POM121C: variants seen among roughly 807,000 people sequenced by gnomAD.
The protein encoded by POM121C is POM121 transmembrane nucleoporin C.
POM121C carries 20 observed loss-of-function variants against 66.4 expected under a neutral mutation model. The ratio of observed to expected loss-of-function variants is 0.30; its 90% CI spans 0.21 to 0.44. POM121C has a LOEUF of 0.44. Among genes scored for constraint, POM121C ranks in the 20% least tolerant of loss-of-function variants. POM121C has a pLI of 1.00. For missense variants in POM121C, 580 were observed against 1,225.7 expected, an observed-to-expected ratio of 0.47 and a Z score of 7.87; for synonymous variants, 286 against 528.0, an observed-to-expected ratio of 0.54 and a Z score of 6.28.
intron 3 of POM121C, among the ~76,000 whole-genome samples, chr7:75,461,746 C>T (rs1247731719): frequency 1.3e-5 from 2 of 151,974 alleles, no homozygotes; most frequent in Non-Finnish European, 2.9e-5. Context: ...TAACTGAAAT[C>T]ATACAAAATA....
At chr7:75,470,312 T>TA (rs1453214138) in intron 3 of POM121C, among the ~76,000 whole-genome samples, 1 of 108,426 alleles carries the variant, frequency 9.2e-6, no homozygotes. Flanking sequence ...GGCAAATAGT[T>TA]AATGATCAGT....
At chr7:75,434,325 G>T (rs1170297674) in intron 7 of POM121C, among the ~76,000 whole-genome samples, 1 of 151,942 alleles carries the variant, frequency 6.6e-6, no homozygotes, top group Non-Finnish European at 1.5e-5. Flanking sequence ...GTCCAGGCTG[G>T]AGGGCAGTGG....
At chr7:75,461,314 C>T (rs1351242498) in intron 3 of POM121C, among the ~76,000 whole-genome samples, 2 of 152,096 alleles carry the variant, frequency 1.3e-5, no homozygotes, top group Non-Finnish European at 2.9e-5. Context: ...CATCATCGAC[C>T]AATGGAACCT....
Position 75,424,507 on chromosome 7 carries a change from A to G in POM121C, c.871+19T>C. 1.2e-6 allele frequency: 2 copies of G among 1,612,350 alleles called. No individual in the cohort carries two copies. Among genetic ancestry groups the G allele is most frequent in the East Asian group, 2.2e-5 (1 of 44,880 alleles). On this transcript the variant is annotated intron_variant, in intron 11 of 14. Coordinates refer to ENST00000615331, the MANE Select transcript of POM121C (RefSeq NM_001099415.3). The stretch of plus-strand genomic sequence containing the variant: ...GACACCTGAAACCTCTCGAGAGTGC[A>G]ACGATCTGTGCTCCTTACCACTCTT...
At chr7:75,429,579 C>T (rs587691120) in intron 7 of POM121C, among the ~76,000 whole-genome samples, 15 of 152,062 alleles carry the variant, frequency 9.9e-5, no homozygotes, top group South Asian at 6.2e-4. Context: ...TGCAGTGAGC[C>T]GAGATTGTGC....
intron 3 of POM121C, among the ~76,000 whole-genome samples, chr7:75,471,599 C>A (rs1465306562): frequency 6.6e-6 from 1 of 152,016 alleles, no homozygotes; most frequent in South Asian, 2.1e-4. Flanking sequence ...CCGAGTTGAG[C>A]AGAAACCAGG....
rs3973301 is a variant in POM121C, at chr7:75,484,333, G to A, written c.-458+1531C>T. 157 of 845,970 alleles carry A rather than the reference G, an allele frequency of 1.9e-4. No individual in the cohort carries two copies. In the African/African-American group the frequency reaches 2.4e-3, roughly 13 times the overall value. 52.4% of individuals were successfully genotyped at this position (845,970 alleles called of 1,614,324 possible). A position where few individuals can be genotyped will look rare whatever the true frequency, so the allele number is the denominator to read the frequency against. The stretch of plus-strand genomic sequence containing the variant: ...GGCAGAAATCACCTGCATAAGAACC[G>A]CAAAAGAAAGCTCAATAGGCTAACA... On this transcript the variant is annotated intron_variant, in intron 1 of 14. Transcript: ENST00000615331.
intron 3 of POM121C, among the ~76,000 whole-genome samples, chr7:75,456,162 C>T (rs1386951422): frequency 5.9e-5 from 9 of 152,146 alleles, no homozygotes; most frequent in African/African-American, 1.9e-4. Flanking sequence ...TCCCTTGAAC[C>T]CAGGAAGTCA....
In POM121C at chr7:75,422,031, C is replaced by T; in HGVS notation, c.2221G>A (p.Ala741Thr). 2 of 1,607,100 alleles carry T rather than the reference C, an allele frequency of 1.2e-6. No individual in the cohort carries two copies. The highest frequency in any genetic ancestry group is 1.7e-6 in the Non-Finnish European group (2 of 1,176,474). ...TFGNSAAPAP[A>T]TAPTPAPAST... is the part of the protein sequence containing the mutation. ...GCAGGTGCAGGTGTGGGTGCAGTAGCCGGGGCCGGGGCTGCAGAGTTTCCA... is the reference window on the plus strand; with the variant it reads ...GCAGGTGCAGGTGTGGGTGCAGTAGTCGGGGCCGGGGCTGCAGAGTTTCCA... Residue 741 changes from alanine to threonine, a missense_variant, in exon 13 of 15, where the codon GCT becomes ACT. Ala to Thr is a moderately conservative substitution (Grantham distance 58). Coordinates refer to ENST00000615331, the MANE Select transcript of POM121C (RefSeq NM_001099415.3).
intron 6 of POM121C, among the ~76,000 whole-genome samples, chr7:75,438,894 G>A (rs1482367558): frequency 3.3e-5 from 5 of 152,070 alleles, no homozygotes; most frequent in African/African-American, 1.2e-4. Flanking sequence ...GTATGTGCTT[G>A]GTTATTAAAT....
chr7:75,431,031 G>A (rs1316003458), intron 7 of POM121C, among the ~76,000 whole-genome samples: 1 of 122,724 alleles, frequency 8.1e-6, no homozygotes, highest in South Asian at 2.6e-4. Context: ...AGCCCAGATC[G>A]CATCACTGCA....
intron 3 of POM121C, among the ~76,000 whole-genome samples, chr7:75,452,999 C>T (rs1160134740): frequency 6.6e-6 from 1 of 152,192 alleles, no homozygotes; most frequent in Non-Finnish European, 1.5e-5. Flanking sequence ...AGAGACAACT[C>T]TGGAAGCAGA....
At chr7:75,439,103 T>C (rs781854829) in intron 6 of POM121C, 41 bp downstream of exon 6, 11 of 1,609,142 alleles carry the variant, frequency 6.8e-6, no homozygotes, top group Non-Finnish European at 6.8e-6. Flanking sequence ...CAGGCCTTTT[T>C]CCAAACAGTT....
At chr7:75,460,841 C>T (rs1554476915) in intron 3 of POM121C, among the ~76,000 whole-genome samples, 1 of 152,166 alleles carries the variant, frequency 6.6e-6, no homozygotes, top group Admixed American at 6.5e-5. Context: ...CAATGGGTCT[C>T]TGAGGACCAG....
At chr7:75,431,824 T>C (rs1431198820) in intron 7 of POM121C, among the ~76,000 whole-genome samples, 2 of 151,996 alleles carry the variant, frequency 1.3e-5, no homozygotes, top group East Asian at 3.9e-4. Context: ...TGGTGGTGCA[T>C]GCCTGTAATC....
At chr7:75,424,933 C>T (rs587721024) in intron 10 of POM121C, 141 bp downstream of exon 10, 23 of 1,476,530 alleles carry the variant, frequency 1.6e-5, no homozygotes, top group Non-Finnish European at 2.1e-5. Context: ...GAACTCCAGC[C>T]TGGGTGACAG....
intron 3 of POM121C, among the ~76,000 whole-genome samples, chr7:75,455,866 A>G (rs1216895716): frequency 6.6e-6 from 1 of 152,052 alleles, no homozygotes; most frequent in Non-Finnish European, 1.5e-5. Context: ...TATCTCGCCT[A>G]TCTTTTGATC....
chr7:75,470,858 C>T (rs6945340), intron 3 of POM121C, among the ~76,000 whole-genome samples: 111,177 of 151,722 alleles, frequency 0.73, 41,475 homozygotes, highest in East Asian at 0.96. Flanking sequence ...GACCTCGAAC[C>T]CCTGGGCTCA....
chr7:75,431,603 C>CA (rs71098029), intron 7 of POM121C, among the ~76,000 whole-genome samples: 623 of 50,548 alleles, frequency 0.012, 11 homozygotes, highest in Non-Finnish European at 0.016. Context: ...AACTCCGTCT[C>CA]AAAAAAAAAA....
Sources: gnomAD v4.1 joint callset for allele counts (sites outside exome capture counted in the v4.1 genomes callset) on GRCh38, gnomAD v4.1.1 for gene constraint, MANE v1.5 for transcripts, NCBI Gene and HGNC (gene_info 2026-07-23, HGNC 2026-07-21) for gene names.